The following CUEDC1 variants were observed in gnomAD, a reference collection of about 807,000 sequenced individuals.
CUEDC1 encodes the protein CUE domain-containing protein 1.
CUEDC1 carries 30 observed loss-of-function variants against 43.7 expected under a neutral mutation model. The ratio of observed to expected loss-of-function variants is 0.69; its 90% CI spans 0.51 to 0.93. The LOEUF (loss-of-function observed/expected upper bound fraction) is 0.93. Among genes scored for constraint, CUEDC1 ranks in the 40% least tolerant of loss-of-function variants. CUEDC1 has a pLI of 0.00. For synonymous variants in CUEDC1, 223 were observed against 223.6 expected (o/e 1.00, Z 0.02); for missense variants, 486 against 549.0 (o/e 0.89, Z 1.15).
chr17:57,913,484 G>A (rs993740683), intron 1 of CUEDC1, among the ~76,000 whole-genome samples: 1 of 152,140 alleles, frequency 6.6e-6, no homozygotes, highest in Non-Finnish European at 1.5e-5. Context: ...AAAGAAAAAG[G>A]CCCATGTGTC....
chr17:57,915,604 C>T (rs188260894), intron 1 of CUEDC1, among the ~76,000 whole-genome samples: 24 of 152,310 alleles, frequency 1.6e-4, no homozygotes, highest in African/African-American at 4.3e-4. Flanking sequence ...GACTGAGCAA[C>T]AGCTCAGGCA....
intron 1 of CUEDC1, among the ~76,000 whole-genome samples, chr17:57,926,367 G>T (rs914200517): frequency 6.6e-6 from 1 of 152,172 alleles, no homozygotes; most frequent in African/African-American, 2.4e-5. Flanking sequence ...TGGCCTAGCA[G>T]TCAGACTAGC....
chr17:57,940,394 T>C (rs1215113388), intron 1 of CUEDC1, among the ~76,000 whole-genome samples: 1 of 152,198 alleles, frequency 6.6e-6, no homozygotes, highest in Admixed American at 6.5e-5. Context: ...TTTGCCAGCC[T>C]TCCTTGCAGT....
At chr17:57,925,691 G>C (rs930054583) in intron 1 of CUEDC1, among the ~76,000 whole-genome samples, 1 of 152,152 alleles carries the variant, frequency 6.6e-6, no homozygotes. Context: ...CACCATCTGG[G>C]GCACAGGAGC....
At chr17:57,938,712 G>T (rs1423838127) in intron 1 of CUEDC1, among the ~76,000 whole-genome samples, 1 of 151,640 alleles carries the variant, frequency 6.6e-6, no homozygotes, top group Non-Finnish European at 1.5e-5. Flanking sequence ...GCACAGGCTG[G>T]AGTGCAGTGG....
chr17:57,948,482 C>T lies in CUEDC1; in HGVS notation c.-316+6743G>A, dbSNP rs73315826. Among the ~76,000 whole-genome samples, 567 of 152,274 alleles carry T rather than the reference C, an allele frequency of 3.7e-3. 3 individuals are homozygous for T. Among genetic ancestry groups the T allele is most frequent in the African/African-American group, 0.013 (550 of 41,548 alleles). On this transcript the variant is annotated intron_variant, in intron 1 of 10. Transcript: ENST00000577830. ...GGCTCACTCATTCATGGATGAGCTG[C>T]TCAGTGTTATCGGGCATTCTTCAAT...
chr17:57,916,510 G>C (rs766821817), intron 1 of CUEDC1, among the ~76,000 whole-genome samples: 13 of 152,222 alleles, frequency 8.5e-5, no homozygotes, highest in South Asian at 2.1e-4. Flanking sequence ...GAGATGCGAC[G>C]GGGAAGCAAA....
intron 7 of CUEDC1, chr17:57,868,544 C>T (rs901137769): frequency 2.3e-6 from 1 of 439,836 alleles, no homozygotes; most frequent in African/African-American, 2.0e-5. Flanking sequence ...CTGCAACACA[C>T]TGCAACGCAT....
intron 1 of CUEDC1, among the ~76,000 whole-genome samples, chr17:57,939,210 GC>G (rs1567724648): frequency 6.8e-6 from 1 of 147,118 alleles, no homozygotes; most frequent in Non-Finnish European, 1.5e-5. Flanking sequence ...CAAGTGATCT[GC>G]CTGCCTTGGC....
At chr17:57,919,142 T>C (rs1429095638) in intron 1 of CUEDC1, among the ~76,000 whole-genome samples, 5 of 151,928 alleles carry the variant, frequency 3.3e-5, no homozygotes, top group Admixed American at 3.3e-4. Flanking sequence ...TGTGAGCCCC[T>C]GCACCCGGGA....
At chr17:57,927,215 G>A (rs1032197747) in intron 1 of CUEDC1, among the ~76,000 whole-genome samples, 5 of 152,048 alleles carry the variant, frequency 3.3e-5, no homozygotes, top group African/African-American at 1.2e-4. Flanking sequence ...CACTTAAAAG[G>A]GCATCCAGGG....
intron 1 of CUEDC1, among the ~76,000 whole-genome samples, chr17:57,933,384 G>A (rs1464360650): frequency 6.6e-6 from 1 of 152,106 alleles, no homozygotes. Flanking sequence ...CTTTTTCCCT[G>A]TCTCCACAAA....
At chr17:57,870,733 G>C (rs909381045) in intron 6 of CUEDC1, among the ~76,000 whole-genome samples, 10 of 151,532 alleles carry the variant, frequency 6.6e-5, no homozygotes, top group Admixed American at 2.6e-4. Context: ...CTGGAGTGCA[G>C]TGGCATAATC....
At chr17:57,940,859 T>A (rs1015088985) in intron 1 of CUEDC1, among the ~76,000 whole-genome samples, 2 of 152,182 alleles carry the variant, frequency 1.3e-5, no homozygotes, top group Non-Finnish European at 2.9e-5. Flanking sequence ...CACTTGGGAC[T>A]AAAAGAAACA....
rs535683995 is a variant in CUEDC1 at position 57,908,627 on chromosome 17, A to G, written c.-315-22748T>C. On this transcript the variant is annotated intron_variant, in intron 1 of 10. Coordinates refer to ENST00000577830, the MANE Select transcript of CUEDC1 (RefSeq NM_001271875.2). ...GTTGTATCCAGGGGCTTCCTGAAAC[A>G]TGCCAGGTATTATTTGTGGCTGTGT... Among the ~76,000 whole-genome samples, 4 of 152,344 alleles carry G rather than the reference A, an allele frequency of 2.6e-5. No homozygotes were observed. The East Asian group carries it at 7.7e-4, about 29-fold the overall frequency.
intron 1 of CUEDC1, among the ~76,000 whole-genome samples, chr17:57,895,954 T>G (rs2074403519): frequency 6.6e-6 from 1 of 152,164 alleles, no homozygotes; most frequent in African/African-American, 2.4e-5. Flanking sequence ...GCCCCCCCAG[T>G]AGGCTGAGTT....
chr17:57,899,438 A>C (rs1171451672), intron 1 of CUEDC1, among the ~76,000 whole-genome samples: 1 of 152,218 alleles, frequency 6.6e-6, no homozygotes, highest in African/African-American at 2.4e-5. Flanking sequence ...TTAGGGAGGC[A>C]GGAGAAACCT....
At chr17:57,925,678 C>T (rs937080424) in intron 1 of CUEDC1, among the ~76,000 whole-genome samples, 3 of 152,148 alleles carry the variant, frequency 2.0e-5, no homozygotes, top group Non-Finnish European at 4.4e-5. Context: ...AAGAGATAAG[C>T]TTCACCATCT....
At chr17:57,888,282 GT>G (rs1481457836) in intron 1 of CUEDC1, among the ~76,000 whole-genome samples, 1 of 152,160 alleles carries the variant, frequency 6.6e-6, no homozygotes, top group South Asian at 2.1e-4. Context: ...TATGCAACTA[GT>G]TTTTTCCACA....
Sources: gnomAD v4.1 joint callset for allele counts (sites outside exome capture counted in the v4.1 genomes callset) on GRCh38, gnomAD v4.1.1 for gene constraint, MANE v1.5 for transcripts, NCBI Gene and HGNC (gene_info 2026-07-23, HGNC 2026-07-21) for gene names.